The following ADAM9 variants were observed in gnomAD, a reference collection of about 807,000 sequenced individuals.
ADAM9 encodes the protein ADAM metallopeptidase domain 9.
ADAM9 carries 54 observed loss-of-function variants against 108.1 expected under a neutral mutation model. The ratio of observed to expected loss-of-function variants is 0.50; its 90% CI spans 0.40 to 0.63. The LOEUF (loss-of-function observed/expected upper bound fraction) is 0.63, where lower values mean the gene tolerates loss of function less well. Among genes scored for constraint, ADAM9 ranks in the 20% least tolerant of loss-of-function variants. The pLI, the probability that ADAM9 is intolerant of heterozygous loss-of-function variation, is 0.00. For synonymous variants in ADAM9, 316 were observed against 336.0 expected, an observed-to-expected ratio of 0.94 and a Z score of 0.65; for missense variants, 830 against 997.7, an observed-to-expected ratio of 0.83 and a Z score of 2.26.
chr8:39,104,453 C>A lies in ADAM9; in HGVS notation c.*753C>A. 2.5e-6 allele frequency: 1 copy of A among 407,552 alleles called. No homozygotes were observed. The allele number at this position is 407,552 out of a possible 1,614,324, so 25.2% of individuals were successfully genotyped here. Reference sequence around the variant, plus strand: ...AGCATGACATTCGTTCACAATAGCACTATTTTAAATAAATTATAAGCTTTA... The same window carrying A: ...AGCATGACATTCGTTCACAATAGCAATATTTTAAATAAATTATAAGCTTTA... On this transcript the variant is annotated 3_prime_UTR_variant, in exon 22 of 22. Transcript: ENST00000487273.
chr8:39,097,089 G>T (rs374140680), intron 20 of ADAM9, among the ~76,000 whole-genome samples: 19 of 152,044 alleles, frequency 1.2e-4, no homozygotes, highest in African/African-American at 4.1e-4. Flanking sequence ...TGGGATTTTG[G>T]CATTTGAAGA....
intron 12 of ADAM9, among the ~76,000 whole-genome samples, chr8:39,053,958 A>C (rs1838033821): frequency 1.3e-5 from 2 of 152,156 alleles, no homozygotes; most frequent in East Asian, 3.8e-4. Context: ...CCTTTAAGGA[A>C]GTAATTAAGG....
chr8:39,018,993 A>C, intron 7 of ADAM9, 75 bp downstream of exon 7: 1 of 1,316,402 alleles, frequency 7.6e-7, no homozygotes, highest in Non-Finnish European at 1.1e-6. Flanking sequence ...AGGAAATCTA[A>C]ACTACACATT....
intron 18 of ADAM9, 82 bp from the exon 19 acceptor site, chr8:39,089,965 T>G: frequency 7.2e-7 from 1 of 1,384,428 alleles, no homozygotes; most frequent in Non-Finnish European, 1.0e-6. Context: ...ATGTGAAAAT[T>G]AATGTAAAGT....
rs555671535 is a variant in ADAM9, at chr8:39,003,568, G to A, written c.98-4318G>A. ...GGAAAAAAGAAAAAAACCTGACCTAGAGATAAGAAAGGAATTTTGGGAAAA... is the reference window on the plus strand; with the variant it reads ...GGAAAAAAGAAAAAAACCTGACCTAAAGATAAGAAAGGAATTTTGGGAAAA... On this transcript the variant is annotated intron_variant, in intron 1 of 21. Transcript: ENST00000487273. Among the ~76,000 whole-genome samples the A allele has an allele frequency of 2.9e-3, 445 of 151,530 alleles. 2 individuals are homozygous for A. The highest frequency in any genetic ancestry group is 0.01 in the African/African-American group (429 of 41,308).
Position 39,014,132 on chromosome 8 carries a change from A to G in ADAM9, c.333+89A>G, listed in dbSNP as rs754537086. 28 of 1,035,420 alleles carry G rather than the reference A, an allele frequency of 2.7e-5. No individual in the cohort carries two copies. The African/African-American group carries it at 3.6e-4, about 13-fold the overall frequency. The allele number at this position is 1,035,420 out of a possible 1,614,324, so 64.1% of individuals were successfully genotyped here. ...CTGTATAGGCACTCAGGACTGTTACATTGCACAGCCCCACAGGGTACCTTT... is the reference window on the plus strand; with the variant it reads ...CTGTATAGGCACTCAGGACTGTTACGTTGCACAGCCCCACAGGGTACCTTT... On this transcript the variant is annotated intron_variant, in intron 4 of 21. Coordinates refer to ENST00000487273, the MANE Select transcript of ADAM9 (RefSeq NM_003816.3).
intron 18 of ADAM9, among the ~76,000 whole-genome samples, chr8:39,086,921 T>C (rs1179243923): frequency 6.6e-6 from 1 of 152,230 alleles, no homozygotes; most frequent in Non-Finnish European, 1.5e-5. Flanking sequence ...CACTGAATTA[T>C]AGGAGCAAGT....
At chr8:39,052,898 A>G (rs1171250395) in intron 12 of ADAM9, among the ~76,000 whole-genome samples, 1 of 152,156 alleles carries the variant, frequency 6.6e-6, no homozygotes, top group East Asian at 1.9e-4. Context: ...TAACTTTTCA[A>G]GAAACTCTCA....
chr8:39,071,205 C>T, intron 14 of ADAM9, 93 bp from the exon 15 acceptor site: 1 of 1,147,722 alleles, frequency 8.7e-7, no homozygotes, highest in South Asian at 1.3e-5. Context: ...GGCTGTTCAT[C>T]CAGGTGTTTA....
chr8:39,071,663 C>T (rs1479781173), intron 15 of ADAM9, among the ~76,000 whole-genome samples: 1 of 152,052 alleles, frequency 6.6e-6, no homozygotes, highest in African/African-American at 2.4e-5. Flanking sequence ...GATGGGGTTT[C>T]ACCATGTTGG....
intron 1 of ADAM9, among the ~76,000 whole-genome samples, chr8:39,002,419 A>G (rs1836027028): frequency 6.7e-6 from 1 of 149,972 alleles, no homozygotes; most frequent in African/African-American, 2.5e-5. Flanking sequence ...CCCAGGTTCA[A>G]GTGATTCTTC....
intron 14 of ADAM9, among the ~76,000 whole-genome samples, chr8:39,064,032 ATCT>A (rs1411822612): frequency 2.0e-5 from 3 of 152,178 alleles, no homozygotes; most frequent in Non-Finnish European, 4.4e-5. Context: ...TGCGCTTATC[ATCT>A]TCTTTCCCTA....
Position 39,014,113 on chromosome 8 carries a change from A to G in ADAM9, c.333+70A>G, listed in dbSNP as rs1047540964. ...TATAATTTAAAAATGAGTTCTGTATAGGCACTCAGGACTGTTACATTGCAC... is the reference window on the plus strand; with the variant it reads ...TATAATTTAAAAATGAGTTCTGTATGGGCACTCAGGACTGTTACATTGCAC... On this transcript the variant is annotated intron_variant, in intron 4 of 21. Transcript: ENST00000487273. The G allele has an allele frequency of 2.4e-6, 3 of 1,249,244 alleles. No homozygotes were observed. In the African/African-American group the frequency reaches 4.4e-5, roughly 19 times the overall value. 77.4% of individuals were successfully genotyped at this position (1,249,244 alleles called of 1,614,324 possible).
At chr8:39,054,015 T>A (rs1389474681) in intron 12 of ADAM9, among the ~76,000 whole-genome samples, 2 of 152,104 alleles carry the variant, frequency 1.3e-5, no homozygotes, top group African/African-American at 4.8e-5. Context: ...AGGATCAGTG[T>A]CCTTGTAAGA....
intron 15 of ADAM9, 140 bp from the exon 16 acceptor site, chr8:39,077,088 C>A (rs563940748): frequency 2.2e-6 from 2 of 904,972 alleles, no homozygotes; most frequent in South Asian, 1.6e-5. Context: ...GCTACTTTGA[C>A]CTCTCTTGCT....
chr8:39,066,103 A>AATATTCC (rs1425291755), intron 14 of ADAM9, among the ~76,000 whole-genome samples: 2 of 152,220 alleles, frequency 1.3e-5, no homozygotes, highest in Admixed American at 6.5e-5. Context: ...ATGGCTGCAT[A>AATATTCC]ATATTCCATG....
intron 10 of ADAM9, among the ~76,000 whole-genome samples, 190 bp from the exon 11 acceptor site, chr8:39,026,484 TCCA>T (rs1265692134): frequency 1.4e-4 from 22 of 152,236 alleles, no homozygotes; most frequent in African/African-American, 5.1e-4. Flanking sequence ...AGGATCCATG[TCCA>T]TCACGTGTGT....
At chr8:39,079,514 A>G (rs1342331473) in intron 16 of ADAM9, among the ~76,000 whole-genome samples, 1 of 152,206 alleles carries the variant, frequency 6.6e-6, no homozygotes, top group Non-Finnish European at 1.5e-5. Flanking sequence ...CTCATATGAG[A>G]AGAATATTAA....
intron 19 of ADAM9, 98 bp from the exon 20 acceptor site, chr8:39,091,161 A>G (rs937207242): frequency 1.2e-5 from 14 of 1,147,430 alleles, no homozygotes; most frequent in South Asian, 3.7e-5. Flanking sequence ...CACTACCAAC[A>G]TCATTATTCT....
Sources: allele counts gnomAD v4.1 joint callset (sites outside exome capture counted in the v4.1 genomes callset), GRCh38; gene constraint gnomAD v4.1.1; transcripts MANE v1.5; gene names NCBI Gene and HGNC (gene_info 2026-07-23, HGNC 2026-07-21).